DENND4A: variants seen among roughly 807,000 people sequenced by gnomAD.
DENND4A encodes the protein C-myc promoter-binding protein.
Under a neutral mutation model 199.3 loss-of-function variants are expected in DENND4A, and 70 were observed. The observed-to-expected ratio is 0.35, with a 90% CI of 0.29 to 0.43. The LOEUF (loss-of-function observed/expected upper bound fraction) is 0.43, where lower values mean the gene tolerates loss of function less well. Ranked by LOEUF, DENND4A falls within the 20% of genes least tolerant of loss-of-function variation. The probability of loss-of-function intolerance (pLI) is 1.00; values close to 1 mark genes in which losing one functional copy is unlikely to be tolerated. For missense variants in DENND4A, 1,723 were observed against 2,255.8 expected (o/e 0.76, Z 4.78); for synonymous variants, 686 against 766.9 (o/e 0.89, Z 1.74).
chr15:65,688,403 T>C (rs1464481549), intron 23 of DENND4A, among the ~76,000 whole-genome samples: 1 of 152,220 alleles, frequency 6.6e-6, no homozygotes, highest in Non-Finnish European at 1.5e-5. Flanking sequence ...TTATACCAAG[T>C]AATTTTGGAT....
rs193116056 is a variant in DENND4A, at chr15:65,769,298, G to T, written c.-101-7860C>A. Among the ~76,000 whole-genome samples, 220 of 152,134 alleles carry T rather than the reference G, an allele frequency of 1.4e-3. 4 individuals are homozygous for T. In the East Asian group the frequency reaches 0.034, roughly 24 times the overall value. ...TTTATAGTAAGACCTTATATTTGGTGAGTAAGATGGCTTAGAAATAAATAA... is the reference window on the plus strand; with the variant it reads ...TTTATAGTAAGACCTTATATTTGGTTAGTAAGATGGCTTAGAAATAAATAA... On this transcript the variant is annotated intron_variant, in intron 1 of 32. Coordinates refer to ENST00000443035, the MANE Select transcript of DENND4A (RefSeq NM_001320835.1).
chr15:65,662,199 A>T (rs1293873281), intron 32 of DENND4A, among the ~76,000 whole-genome samples: 2 of 152,238 alleles, frequency 1.3e-5, no homozygotes, highest in East Asian at 3.8e-4. Context: ...CCAGGTACAG[A>T]TGTTAAAAAC....
rs746709989 is a variant in DENND4A at position 65,731,703 on chromosome 15, G to A, written c.1108-3C>T. 3.2e-6 allele frequency: 5 copies of A among 1,543,336 alleles called. No individual in the cohort carries two copies. Among genetic ancestry groups the A allele is most frequent in the Admixed American group, 4.0e-5 (2 of 50,472 alleles). ...ATCAGATTATCATGTGGTGATAACTGGAAGAAGATTTAAAATAAAGAATTT... is the reference window on the plus strand; with the variant it reads ...ATCAGATTATCATGTGGTGATAACTAGAAGAAGATTTAAAATAAAGAATTT... On this transcript the variant is annotated splice_polypyrimidine_tract_variant and splice_region_variant and intron_variant, in intron 8 of 32. Transcript: ENST00000443035.
chr15:65,745,767 T>A (rs748109463), intron 4 of DENND4A, among the ~76,000 whole-genome samples: 1 of 152,082 alleles, frequency 6.6e-6, no homozygotes. Context: ...GAATATTCTA[T>A]AATGAAAAAC....
intron 23 of DENND4A, among the ~76,000 whole-genome samples, chr15:65,685,618 AATGTAAATGCT>A (rs2076750284): frequency 6.6e-6 from 1 of 152,244 alleles, no homozygotes; most frequent in Non-Finnish European, 1.5e-5. Context: ...TACCTAATAC[AATGTAAATGCT>A]ATGTAAATAG....
At chr15:65,697,122 G>A in intron 21 of DENND4A, 145 bp downstream of exon 21, 1 of 582,146 alleles carries the variant, frequency 1.7e-6, no homozygotes, top group Admixed American at 3.4e-5. Context: ...AGAGTATGTG[G>A]TGGCTGAGAG....
At position 65,661,355 on chromosome 15, in the gene DENND4A, TTTTAAG is replaced by T. The variant is rs1239216705; in HGVS notation, c.*490_*495del. On this transcript the variant is annotated 3_prime_UTR_variant, in exon 33 of 33. Transcript: ENST00000443035. ...GCTTGCTTGCTTAAGTTTAAATTCA[TTTTAAG>T]TTTGCTATATTAAATTTAAAAATTA... 1 of 152,276 alleles carries T rather than the reference TTTTAAG, an allele frequency of 6.6e-6. No homozygotes were observed. The highest frequency in any genetic ancestry group is 2.4e-5 in the African/African-American group (1 of 41,450). 9.4% of individuals were successfully genotyped at this position (152,276 alleles called of 1,614,324 possible).
At chr15:65,742,874 T>C (rs183986248) in intron 4 of DENND4A, among the ~76,000 whole-genome samples, 3 of 152,334 alleles carry the variant, frequency 2.0e-5, no homozygotes, top group Admixed American at 6.5e-5. Flanking sequence ...TCACACATAG[T>C]AGTTAAATAA....
rs372288644 is a variant in DENND4A at position 65,691,217 on chromosome 15, A to G, written c.3377T>C (p.Ile1126Thr). Residue 1126 changes from isoleucine (I) to threonine (T), a missense_variant, in exon 23 of 33, where the codon ATT becomes ACT. Physicochemically the swap from Ile to Thr is moderately conservative, Grantham distance 89 (BLOSUM62 -1). This residue lies in a region of DENND4A where 650 missense variants were observed against 738.1 expected (regional missense o/e 0.88). Transcript: ENST00000443035. Reference protein sequence around the residue: ...SKSTRPNTLDIGKPPLRSKRD... With the variant: ...SKSTRPNTLDTGKPPLRSKRD... ...TTTTGATCTTAAAGGTGGCTTCCCAATATCAAGAGTATTTGGTCTCGTGCT... is the reference window on the plus strand; with the variant it reads ...TTTTGATCTTAAAGGTGGCTTCCCAGTATCAAGAGTATTTGGTCTCGTGCT... 7 of 1,613,288 alleles carry G rather than the reference A, an allele frequency of 4.3e-6. No individual in the cohort carries two copies. The African/African-American group carries it at 5.3e-5, about 12-fold the overall frequency.
At chr15:65,766,457 T>C (rs1295278174) in intron 1 of DENND4A, 2 of 152,212 alleles carry the variant, frequency 1.3e-5, no homozygotes, top group African/African-American at 4.8e-5. Flanking sequence ...GTTTTCTTTT[T>C]TTTGCAATAA....
chr15:65,784,032 A>C (rs914399050), intron 1 of DENND4A, among the ~76,000 whole-genome samples: 2 of 152,180 alleles, frequency 1.3e-5, no homozygotes, highest in African/African-American at 2.4e-5. Context: ...ATCAGTGATA[A>C]GCCGTACTGA....
At chr15:65,783,089 CAATT>C (rs2077475015) in intron 1 of DENND4A, among the ~76,000 whole-genome samples, 1 of 151,106 alleles carries the variant, frequency 6.6e-6, no homozygotes, top group Non-Finnish European at 1.5e-5. Flanking sequence ...TAATTTAGAT[CAATT>C]TATTAAAAAT....
In DENND4A at chr15:65,732,835, A is replaced by T; in HGVS notation, c.1041-17T>A. 1 of 1,496,920 alleles carries T rather than the reference A, an allele frequency of 6.7e-7. No homozygotes were observed. The highest frequency in any genetic ancestry group is 9.3e-7 in the Non-Finnish European group (1 of 1,079,286). 92.7% of individuals were successfully genotyped at this position (1,496,920 alleles called of 1,614,324 possible). A position where few individuals can be genotyped will look rare whatever the true frequency, so the allele number is the denominator to read the frequency against. ...GAAATATGCCTTGAAAACAAACAAA[A>T]GTGTAAGTGATTCCAAAGTGAACGT... On this transcript the variant is annotated splice_polypyrimidine_tract_variant and intron_variant, in intron 7 of 32. Transcript: ENST00000443035.
chr15:65,732,012 C>A (rs1022876190), intron 8 of DENND4A, among the ~76,000 whole-genome samples: 72 of 152,134 alleles, frequency 4.7e-4, no homozygotes, highest in African/African-American at 1.7e-3. Flanking sequence ...GTCAAAAAAC[C>A]TATGGCCTAC....
intron 1 of DENND4A, among the ~76,000 whole-genome samples, chr15:65,791,237 C>T (rs2077710587): frequency 6.6e-6 from 1 of 152,186 alleles, no homozygotes; most frequent in East Asian, 1.9e-4. Flanking sequence ...CCTCTCTCTA[C>T]GGTTCTAGGC....
At chr15:65,669,507 A>C (rs756687860) in intron 27 of DENND4A, among the ~76,000 whole-genome samples, 4 of 151,952 alleles carry the variant, frequency 2.6e-5, no homozygotes, top group Non-Finnish European at 5.9e-5. Flanking sequence ...AGTGTTCTAC[A>C]TTTTTTTTAC....
intron 1 of DENND4A, among the ~76,000 whole-genome samples, chr15:65,790,706 T>C (rs1403486774): frequency 1.3e-5 from 2 of 152,278 alleles, no homozygotes; most frequent in African/African-American, 4.8e-5. Flanking sequence ...CCAAATATAA[T>C]ATTTTATTTT....
Position 65,667,550 on chromosome 15 carries a change from T to C in DENND4A, c.5140A>G (p.Ile1714Val), listed in dbSNP as rs747154280. The change falls in exon 29 of 33, where the codon ATT (isoleucine) becomes GTT (valine). Residue 1714 changes from isoleucine (I) to valine (V), a missense_variant. Ile to Val is a conservative substitution (Grantham distance 29, BLOSUM62 3). Transcript: ENST00000443035. ...TVADFVDHHP[I>V]VFWNLVWYFR... ...TACCATACCAGGTTCCAAAAAACAA[T>C]TGGATGATGGTCCACAAAGTCTGCT... The C allele has an allele frequency of 2.5e-6, 4 of 1,613,828 alleles. No homozygotes were observed. Among genetic ancestry groups the C allele is most frequent in the African/African-American group, 2.7e-5 (2 of 74,916 alleles).
rs755652794 is a variant in DENND4A at position 65,670,149 on chromosome 15, A to C, written c.4504T>G (p.Cys1502Gly). Residue 1502 changes from cysteine to glycine, a missense_variant, in exon 26 of 33, where the codon TGT becomes GGT. Physicochemically the swap from Cys to Gly is radical, Grantham distance 159. Around this residue, in one of 6 missense-constraint regions of DENND4A, gnomAD observed 650 missense variants for 738.1 expected, o/e 0.88. Coordinates refer to ENST00000443035, the MANE Select transcript of DENND4A (RefSeq NM_001320835.1). ...ATGATTTCCTCATCATGGACAAGAC[A>C]ATCACAAGTTCTACACCGAGAGCAA... is the stretch of plus-strand genomic sequence containing the variant. The part of the protein sequence containing the change: ...SSCSRCRTCD[C>G]LVHDEEIMAG... 6.3e-7 allele frequency: 1 copy of C among 1,584,768 alleles called. No individual in the cohort carries two copies. Among genetic ancestry groups the C allele is most frequent in the Non-Finnish European group, 8.6e-7 (1 of 1,165,340 alleles).
Sources: allele counts gnomAD v4.1 joint callset (sites outside exome capture counted in the v4.1 genomes callset), GRCh38; gene constraint gnomAD v4.1.1; regional missense constraint gnomAD v4.1.1; transcripts MANE v1.5; gene names NCBI Gene and HGNC (gene_info 2026-07-23, HGNC 2026-07-21).